Variants in ZNF536 observed in about 807,000 individuals in gnomAD.
ZNF536 encodes zinc finger protein 536.
Under a neutral mutation model 84.5 loss-of-function variants are expected in ZNF536, and 13 were observed. The ratio of observed to expected loss-of-function variants is 0.15; its 90% confidence interval spans 0.10 to 0.24. The LOEUF (loss-of-function observed/expected upper bound fraction) is 0.24. ZNF536 is among the 10% of genes least tolerant of loss of function. ZNF536 has a pLI of 1.00. For missense variants in ZNF536, 1,536 were observed against 1,747.5 expected (o/e 0.88, Z 2.16); for synonymous variants, 811 against 742.5 (o/e 1.09, Z -1.50).
At chr19:30,433,472 T>A (rs557083232) in intron 1 of ZNF536, among the ~76,000 whole-genome samples, 1 of 152,364 alleles carries the variant, frequency 6.6e-6, no homozygotes, top group African/African-American at 2.4e-5. Context: ...CTGATAAGAC[T>A]GACAACAGGA....
chr19:30,572,348 G>A lies in ZNF536; in HGVS notation c.169+22834G>A, dbSNP rs141166643. Among the ~76,000 whole-genome samples the A allele has an allele frequency of 4.6e-5, 7 of 152,288 alleles. No homozygotes were observed. The East Asian group carries it at 1.2e-3, about 25-fold the overall frequency. ...CAGGCCCCCGTCCTAAGAGCAGAAT[G>A]TGAAGTGGGGGCACCCAAGGGGGGC... On this transcript the variant is annotated intron_variant, in intron 1 of 1. Transcript: ENST00000592773.
intron 1 of ZNF536, among the ~76,000 whole-genome samples, chr19:30,570,696 T>C (rs1437930633): frequency 6.6e-6 from 1 of 152,176 alleles, no homozygotes; most frequent in Non-Finnish European, 1.5e-5. Flanking sequence ...TCTATCTCTT[T>C]ACTTTGTTTT....
upstream of ZNF536, among the ~76,000 whole-genome samples, chr19:30,367,557 C>T (rs754342546): frequency 6.6e-6 from 1 of 152,140 alleles, no homozygotes; most frequent in African/African-American, 2.4e-5. Context: ...ATGTGGAGTG[C>T]GGGGAGCTGG....
chr19:30,481,706 C>T (rs868716999), intron 2 of ZNF536, among the ~76,000 whole-genome samples: 5 of 151,958 alleles, frequency 3.3e-5, no homozygotes, highest in Non-Finnish European at 1.5e-5. Flanking sequence ...TTTTGGGGAA[C>T]GGGTGGCTTT....
intron 1 of ZNF536, among the ~76,000 whole-genome samples, chr19:30,404,014 T>C (rs1167442579): frequency 6.7e-6 from 1 of 148,594 alleles, no homozygotes; most frequent in Non-Finnish European, 1.5e-5. Context: ...TTCCTTTCCT[T>C]TCCTCTTTTT....
chr19:30,649,988 T>C (rs144651115), intron 1 of ZNF536, among the ~76,000 whole-genome samples: 3 of 152,204 alleles, frequency 2.0e-5, no homozygotes, highest in Non-Finnish European at 2.9e-5. Flanking sequence ...TAAGTGAACA[T>C]CAACTGACCA....
At chr19:30,241,311 T>C (rs2023926134) in intron 1 of ZNF536, among the ~76,000 whole-genome samples, 1 of 152,186 alleles carries the variant, frequency 6.6e-6, no homozygotes, top group Non-Finnish European at 1.5e-5. Flanking sequence ...CGAGACCCTG[T>C]CTCAAAAACA....
At chr19:30,450,020 GAAGAAAAAGAAA>G (rs36206792) in intron 2 of ZNF536, among the ~76,000 whole-genome samples, 1 of 144,030 alleles carries the variant, frequency 6.9e-6, no homozygotes, top group African/African-American at 2.6e-5. Flanking sequence ...GCACCCAAAA[GAAGAAAAAGAAA>G]AAGAAAAAGA....
chr19:30,686,613 T>C (rs1339207732), intron 1 of ZNF536, among the ~76,000 whole-genome samples: 1 of 152,176 alleles, frequency 6.6e-6, no homozygotes, highest in Non-Finnish European at 1.5e-5. Flanking sequence ...CTTACCAAGA[T>C]AATTGAGGAT....
chr19:30,676,837 C>A (rs2050769786), intron 1 of ZNF536, among the ~76,000 whole-genome samples: 1 of 152,122 alleles, frequency 6.6e-6, no homozygotes, highest in South Asian at 2.1e-4. Context: ...ATGGGAGTAT[C>A]TTCTCAAAAG....
At chr19:30,359,033 C>T (rs892996982) in intron 3 of ZNF536, among the ~76,000 whole-genome samples, 2 of 152,152 alleles carry the variant, frequency 1.3e-5, no homozygotes, top group Non-Finnish European at 2.9e-5. Flanking sequence ...CAAAAGGGAC[C>T]GCCACTACCA....
At chr19:30,435,392 T>G (rs1277248919) in intron 1 of ZNF536, among the ~76,000 whole-genome samples, 1 of 150,254 alleles carries the variant, frequency 6.7e-6, no homozygotes, top group Non-Finnish European at 1.5e-5. Flanking sequence ...GATGGTGTGA[T>G]GATGATGCTG....
intron 1 of ZNF536, among the ~76,000 whole-genome samples, chr19:30,441,795 A>G (rs2052062322): frequency 6.6e-6 from 1 of 152,194 alleles, no homozygotes; most frequent in Admixed American, 6.5e-5. Flanking sequence ...CCACCACTGT[A>G]ATCCCTCTGC....
At chr19:30,410,179 A>G (rs2050420765) in intron 1 of ZNF536, among the ~76,000 whole-genome samples, 1 of 152,078 alleles carries the variant, frequency 6.6e-6, no homozygotes, top group Admixed American at 6.5e-5. Context: ...TTCCTACCCC[A>G]TTAATAATAC....
intron 2 of ZNF536, among the ~76,000 whole-genome samples, chr19:30,343,618 CT>C (rs1427391077): frequency 6.6e-6 from 1 of 152,194 alleles, no homozygotes; most frequent in Non-Finnish European, 1.5e-5. Context: ...AAATTAAAAG[CT>C]GAAGATGTAT....
Position 30,506,628 on chromosome 19 carries a change from G to A in ZNF536, c.2171-28219G>A, listed in dbSNP as rs1468819180. Among the ~76,000 whole-genome samples, 5 of 152,356 alleles carry A rather than the reference G, an allele frequency of 3.3e-5. No homozygotes were observed. In the East Asian group the frequency reaches 7.7e-4, roughly 23 times the overall value. On this transcript the variant is annotated intron_variant, in intron 2 of 4. Coordinates refer to ENST00000355537, the MANE Select transcript of ZNF536 (RefSeq NM_014717.3). ...AGATCTTGCACAAAGCGGGCAGGTTGTGGGGGTGTGGGGTGCATGTGCGCT... is the reference window on the plus strand; with the variant it reads ...AGATCTTGCACAAAGCGGGCAGGTTATGGGGGTGTGGGGTGCATGTGCGCT...
chr19:30,264,447 G>A (rs1233601868), intron 1 of ZNF536, among the ~76,000 whole-genome samples: 1 of 150,938 alleles, frequency 6.6e-6, no homozygotes. Context: ...GTGCACGCAT[G>A]TGTGTGTGTT....
chr19:30,448,709 TA>T (rs1204929183), intron 2 of ZNF536, among the ~76,000 whole-genome samples: 1 of 152,212 alleles, frequency 6.6e-6, no homozygotes, highest in Non-Finnish European at 1.5e-5. Context: ...GAATTCATCA[TA>T]AAAAACCTTT....
chr19:30,486,212 G>A (rs1453646892), intron 2 of ZNF536, among the ~76,000 whole-genome samples: 2 of 152,054 alleles, frequency 1.3e-5, no homozygotes, highest in Non-Finnish European at 2.9e-5. Flanking sequence ...TAGGTATTAA[G>A]CCCAGCATGC....
Sources: allele counts gnomAD v4.1 joint callset (sites outside exome capture counted in the v4.1 genomes callset), GRCh38; gene constraint gnomAD v4.1.1; transcripts MANE v1.5; gene names NCBI Gene and HGNC (gene_info 2026-07-23, HGNC 2026-07-21).